EEF2K: variants seen among roughly 807,000 people sequenced by gnomAD.
EEF2K encodes the protein alternative protein EEF2K.
Under a neutral mutation model 93.8 loss-of-function variants are expected in EEF2K, and 70 were observed. That is an observed-to-expected ratio of 0.75 (90% CI 0.62 to 0.91). EEF2K has a LOEUF of 0.91. Ranked by LOEUF, EEF2K falls within the 40% of genes least tolerant of loss-of-function variation. The pLI is 0.00. For synonymous variants in EEF2K, 376 were observed against 380.8 expected (o/e 0.99, Z 0.15); for missense variants, 935 against 972.9 (o/e 0.96, Z 0.52).
chr16:22,234,541 GAAA>G (rs769468338), intron 2 of EEF2K, among the ~76,000 whole-genome samples: 1 of 134,980 alleles, frequency 7.4e-6, no homozygotes, highest in Admixed American at 7.5e-5. Context: ...TGGGCAACAG[GAAA>G]AAAAAAAAAA....
At chr16:22,208,101 G>T (rs2046880667) in intron 1 of EEF2K, among the ~76,000 whole-genome samples, 1 of 152,298 alleles carries the variant, frequency 6.6e-6, no homozygotes, top group Admixed American at 6.5e-5. Flanking sequence ...CCTCCTCTCA[G>T]CCCCCATTCT....
At chr16:22,218,602 C>T (rs1439012121) in intron 1 of EEF2K, among the ~76,000 whole-genome samples, 1 of 152,144 alleles carries the variant, frequency 6.6e-6, no homozygotes, top group Admixed American at 6.5e-5. Context: ...TAGTGTATTC[C>T]CTGAGGACCC....
rs1598167433 is a variant in EEF2K, at chr16:22,225,646, C to A, written c.-76-8C>A. The A allele has an allele frequency of 1.3e-6, 2 of 1,550,086 alleles. No homozygotes were observed. The highest frequency in any genetic ancestry group is 4.5e-5 in the East Asian group (2 of 44,278). On this transcript the variant is annotated splice_region_variant and splice_polypyrimidine_tract_variant and intron_variant, in intron 1 of 17. Transcript: ENST00000263026. ...GCACCCACTCTCTGGCCCTTGCTTT[C>A]CTTGTAGGACCTTCGCCTCTGCATT...
chr16:22,239,707 A>T (rs2141661757), intron 2 of EEF2K, among the ~76,000 whole-genome samples: 1 of 152,316 alleles, frequency 6.6e-6, no homozygotes, highest in Admixed American at 6.5e-5. Context: ...GCTATTCGGG[A>T]AGCTGAAGCA....
intron 15 of EEF2K, among the ~76,000 whole-genome samples, chr16:22,271,696 C>A (rs1275096804): frequency 1.3e-5 from 2 of 151,678 alleles, no homozygotes; most frequent in East Asian, 1.9e-4. Flanking sequence ...AAGATCAAGA[C>A]CCTGTCTCAA....
intron 2 of EEF2K, among the ~76,000 whole-genome samples, chr16:22,230,113 G>A (rs1019880790): frequency 2.0e-5 from 3 of 152,172 alleles, no homozygotes; most frequent in Admixed American, 6.5e-5. Context: ...CACCCACCCC[G>A]AGGAGGACAG....
chr16:22,211,842 C>T (rs1027484238), intron 1 of EEF2K, among the ~76,000 whole-genome samples: 1 of 152,138 alleles, frequency 6.6e-6, no homozygotes, highest in Non-Finnish European at 1.5e-5. Context: ...TTCATTCATG[C>T]AGCATGCACT....
intron 2 of EEF2K, among the ~76,000 whole-genome samples, chr16:22,239,144 C>G (rs2047196858): frequency 6.6e-6 from 1 of 151,552 alleles, no homozygotes; most frequent in South Asian, 2.1e-4. Flanking sequence ...TAAGGTCTGG[C>G]ATGACTCTGT....
chr16:22,248,890 C>A, intron 4 of EEF2K, 75 bp downstream of exon 4: 3 of 1,441,984 alleles, frequency 2.1e-6, no homozygotes, highest in East Asian at 2.4e-5. Context: ...TCTGTGCACC[C>A]TTCTCTCCCA....
chr16:22,266,988 T>C (rs973312574), intron 15 of EEF2K, 112 bp downstream of exon 15: 48 of 1,313,892 alleles, frequency 3.7e-5, no homozygotes, highest in East Asian at 1.7e-4. Flanking sequence ...TATCCTGAGG[T>C]TTATGCATGC....
intron 1 of EEF2K, among the ~76,000 whole-genome samples, chr16:22,215,566 GA>G (rs1161502714): frequency 1.3e-5 from 2 of 152,196 alleles, no homozygotes; most frequent in African/African-American, 4.8e-5. Context: ...CAGACATTAA[GA>G]CACTGATGTG....
chr16:22,254,228 CCCTCG>C (rs1329099459), intron 6 of EEF2K, among the ~76,000 whole-genome samples: 3 of 152,104 alleles, frequency 2.0e-5, no homozygotes, highest in Non-Finnish European at 4.4e-5. Context: ...GTACCACTGC[CCCTCG>C]CCCAGGGAGC....
chr16:22,273,539 G>C (rs2047605703), intron 15 of EEF2K, 87 bp from the exon 16 acceptor site: 1 of 1,552,522 alleles, frequency 6.4e-7, no homozygotes, highest in African/African-American at 1.4e-5. Context: ...CAAAAAACAG[G>C]GTGAAGATTG....
At chr16:22,214,434 CCTGT>C (rs1437791200) in intron 1 of EEF2K, among the ~76,000 whole-genome samples, 1 of 149,250 alleles carries the variant, frequency 6.7e-6, no homozygotes, top group Non-Finnish European at 1.5e-5. Flanking sequence ...AGAGTGAGAC[CCTGT>C]CTCAAAAAAA....
At chr16:22,227,730 A>G (rs2047077252) in intron 2 of EEF2K, among the ~76,000 whole-genome samples, 1 of 152,140 alleles carries the variant, frequency 6.6e-6, no homozygotes, top group Non-Finnish European at 1.5e-5. Flanking sequence ...GGAGAAACAA[A>G]TATAATAACT....
intron 8 of EEF2K, 89 bp downstream of exon 8, chr16:22,257,474 A>G (rs2047414625): frequency 6.4e-7 from 1 of 1,569,230 alleles, no homozygotes; most frequent in South Asian, 1.2e-5. Context: ...AAACAGGCTG[A>G]GACACTGTAC....
At chr16:22,254,761 T>C (rs1056073747) in intron 6 of EEF2K, among the ~76,000 whole-genome samples, 1 of 152,158 alleles carries the variant, frequency 6.6e-6, no homozygotes, top group Non-Finnish European at 1.5e-5. Context: ...TTCTCTAGAA[T>C]TGTAGCTCCT....
intron 1 of EEF2K, among the ~76,000 whole-genome samples, chr16:22,208,340 T>C (rs1057004247): frequency 2.6e-5 from 4 of 151,126 alleles, no homozygotes; most frequent in African/African-American, 9.7e-5. Flanking sequence ...CTGGCCAACA[T>C]AGGGAGCCCC....
Position 22,257,468 on chromosome 16 carries a change from A to T in EEF2K, c.901+83A>T. On this transcript the variant is annotated intron_variant, in intron 8 of 17. Transcript: ENST00000263026. ...GAGTTCTTCGTACAGCCAAGGAAAC[A>T]GGCTGAGACACTGTACGCGCTTTTT... 6.4e-6 allele frequency: 10 copies of T among 1,570,932 alleles called. No homozygotes were observed. In the South Asian group the frequency reaches 1.1e-4, roughly 17 times the overall value.
Sources: allele counts gnomAD v4.1 joint callset (sites outside exome capture counted in the v4.1 genomes callset), GRCh38; gene constraint gnomAD v4.1.1; transcripts MANE v1.5; gene names NCBI Gene and HGNC (gene_info 2026-07-23, HGNC 2026-07-21).